PCDHA6: variants seen among roughly 807,000 people sequenced by gnomAD.
PCDHA6 encodes the protein protocadherin alpha-6.
PCDHA6 carries 55 observed loss-of-function variants against 60.3 expected under a neutral mutation model. That is an observed-to-expected ratio of 0.91 (90% CI 0.73 to 1.14). The LOEUF is 1.14. Ranked by LOEUF, PCDHA6 falls within the 50% of genes most tolerant of loss-of-function variation. The probability of loss-of-function intolerance (pLI) is 0.00; values close to 1 mark genes in which losing one functional copy is unlikely to be tolerated. For missense variants in PCDHA6, 1,327 were observed against 1,256.5 expected, an observed-to-expected ratio of 1.06 and a Z score of -0.85; for synonymous variants, 652 against 557.9, an observed-to-expected ratio of 1.17 and a Z score of -2.38.
chr5:141,004,608 T>A (rs2153981502), intron 3 of PCDHA6, among the ~76,000 whole-genome samples: 1 of 152,348 alleles, frequency 6.6e-6, no homozygotes, highest in African/African-American at 2.4e-5. Flanking sequence ...TTAGGCCTCA[T>A]GCAGAGTCCT....
At chr5:140,990,445 A>C (rs1212288513) in intron 3 of PCDHA6, among the ~76,000 whole-genome samples, 2 of 152,140 alleles carry the variant, frequency 1.3e-5, no homozygotes, top group Non-Finnish European at 2.9e-5. Context: ...TTGTGTCCAG[A>C]GCTGTTGCTG....
At chr5:140,928,471 G>T in intron 1 of PCDHA6, 1 of 1,614,148 alleles carries the variant, frequency 6.2e-7, no homozygotes, top group Non-Finnish European at 8.5e-7. Context: ...CCAAGTAGAA[G>T]GCCGGGATGG....
chr5:140,856,319 C>T (rs782092511), intron 1 of PCDHA6: 2 of 1,598,532 alleles, frequency 1.3e-6, no homozygotes, highest in African/African-American at 1.3e-5. Flanking sequence ...TCGGATTGAC[C>T]GCGAGGAGCT....
In PCDHA6 at chr5:140,990,870, T is replaced by G. The variant is rs550033552; in HGVS notation, c.2542+8307T>G. Among the ~76,000 whole-genome samples, 16 of 152,274 alleles carry G rather than the reference T, an allele frequency of 1.1e-4. No individual in the cohort carries two copies. The South Asian group carries it at 3.3e-3, about 32-fold the overall frequency. On this transcript the variant is annotated intron_variant, in intron 3 of 3. Coordinates refer to ENST00000529310, the MANE Select transcript of PCDHA6 (RefSeq NM_018909.4). ...AGCCCTGAGGACATTGTATTTTAAG[T>G]GTATGTTCCAGTGAGTGGGTCGTTG...
chr5:140,905,540 C>T (rs1294771375), intron 1 of PCDHA6, among the ~76,000 whole-genome samples: 5 of 151,890 alleles, frequency 3.3e-5, no homozygotes, highest in African/African-American at 9.7e-5. Flanking sequence ...TCCATATGAA[C>T]TTTAGGATTG....
At chr5:140,903,470 C>T (rs1425928113) in intron 1 of PCDHA6, among the ~76,000 whole-genome samples, 2 of 152,140 alleles carry the variant, frequency 1.3e-5, no homozygotes, top group Non-Finnish European at 2.9e-5. Context: ...AATATTATTC[C>T]TTGCATTATA....
intron 3 of PCDHA6, among the ~76,000 whole-genome samples, chr5:140,995,316 A>G (rs2097676169): frequency 1.3e-5 from 2 of 152,222 alleles, no homozygotes; most frequent in South Asian, 4.1e-4. Context: ...TTCTAAGTGA[A>G]CTAACAGGTG....
intron 1 of PCDHA6, chr5:140,882,990 A>T (rs1554176394): frequency 6.2e-7 from 1 of 1,614,130 alleles, no homozygotes; most frequent in Admixed American, 1.7e-5. Context: ...AACGCCCCGG[A>T]ATTTTACCAA....
rs139807581 is a variant in PCDHA6, at chr5:140,835,502, C to T, written c.2394+5017C>T. ...CAGGTACCGTCATCACATTGATTAG[C>T]GTGTTTGACCGAGATTTTGGAGTCA... is the stretch of plus-strand genomic sequence containing the variant. On this transcript the variant is annotated intron_variant, in intron 1 of 3. Transcript: ENST00000529310. 113 of 1,613,806 alleles carry T rather than the reference C, an allele frequency of 7.0e-5. 1 individual carries two copies. Among genetic ancestry groups the T allele is most frequent in the Non-Finnish European group, 8.7e-5 (103 of 1,179,880 alleles).
intron 1 of PCDHA6, chr5:140,877,431 C>A: frequency 1.2e-6 from 2 of 1,613,836 alleles, no homozygotes; most frequent in Non-Finnish European, 1.7e-6. Flanking sequence ...TGGTGAAGGA[C>A]CACGGTGAGC....
At chr5:140,962,171 G>A (rs1218733161) in intron 1 of PCDHA6, among the ~76,000 whole-genome samples, 3 of 151,902 alleles carry the variant, frequency 2.0e-5, no homozygotes, top group Non-Finnish European at 4.4e-5. Context: ...CACCACACCC[G>A]GCCACTTATA....
In PCDHA6 at chr5:140,830,297, A is replaced by G. The variant is rs1359749137; in HGVS notation, c.2206A>G (p.Lys736Glu). 1 of 1,613,732 alleles carries G rather than the reference A, an allele frequency of 6.2e-7. No homozygotes were observed. The highest frequency in any genetic ancestry group is 2.2e-5 in the East Asian group (1 of 44,874). The change falls in exon 1 of 4, where the codon AAG becomes GAG. Residue 736 changes from lysine (K) to glutamate (E), a missense_variant. Transcript: ENST00000529310. ...PPTEGACTAD[K>E]PTLVCSSAVG... ...CACCGAGGGCGCGTGCACGGCGGAC[A>G]AGCCCACGCTGGTGTGCTCCAGCGC...
chr5:140,957,438 A>T (rs1554222966), intron 1 of PCDHA6, among the ~76,000 whole-genome samples: 1 of 152,216 alleles, frequency 6.6e-6, no homozygotes, highest in Non-Finnish European at 1.5e-5. Context: ...TGCCTAATTT[A>T]TAAATCACAC....
At position 140,969,365 on chromosome 5, in the gene PCDHA6, C is replaced by T. The variant is rs190730712; in HGVS notation, c.2395-9584C>T. The T allele has an allele frequency of 5.3e-5, 86 of 1,610,040 alleles. No homozygotes were observed. The African/African-American group carries it at 9.2e-4, about 17-fold the overall frequency. On this transcript the variant is annotated intron_variant, in intron 1 of 3. Transcript: ENST00000529310. ...GTGGTCAGGGGGTCTTCTACAAACT[C>T]ATGCATTTGTTACACATCCCCCAAT...
chr5:140,992,485 A>T (rs1234957114), intron 3 of PCDHA6, among the ~76,000 whole-genome samples: 1 of 152,208 alleles, frequency 6.6e-6, no homozygotes, highest in Non-Finnish European at 1.5e-5. Flanking sequence ...CCCAGAGGCC[A>T]ATCTGTAAGG....
chr5:140,945,560 C>T (rs1321626108), intron 1 of PCDHA6, among the ~76,000 whole-genome samples: 3 of 151,960 alleles, frequency 2.0e-5, no homozygotes, highest in Non-Finnish European at 2.9e-5. Context: ...AAGCTGAAGA[C>T]ATCATACTAC....
chr5:140,855,410 T>A (rs2043456249), intron 1 of PCDHA6, among the ~76,000 whole-genome samples: 1 of 149,998 alleles, frequency 6.7e-6, no homozygotes, highest in Admixed American at 6.7e-5. Context: ...TTGAAGCTAA[T>A]GATCTCTAAA....
intron 1 of PCDHA6, among the ~76,000 whole-genome samples, chr5:140,906,153 A>G (rs2072404848): frequency 6.6e-6 from 1 of 152,142 alleles, no homozygotes; most frequent in Non-Finnish European, 1.5e-5. Flanking sequence ...ACCCTCACAG[A>G]CACACCCAGG....
rs782779617 is a variant in PCDHA6 at position 140,857,239 on chromosome 5, G to C, written c.2394+26754G>C. On this transcript the variant is annotated intron_variant, in intron 1 of 3. Coordinates refer to ENST00000529310, the MANE Select transcript of PCDHA6 (RefSeq NM_018909.4). ...CGCCTCACGTTCCGTTCAAGCTGGT[G>C]TCCACCTACAAGAATTACTACTCAT... is the stretch of plus-strand genomic sequence containing the variant. The C allele has an allele frequency of 6.9e-6, 11 of 1,598,550 alleles. 2 individuals carry two copies. The highest frequency in any genetic ancestry group is 7.7e-6 in the Non-Finnish European group (9 of 1,167,946).
Sources: gnomAD v4.1 joint callset for allele counts (sites outside exome capture counted in the v4.1 genomes callset) on GRCh38, gnomAD v4.1.1 for gene constraint, MANE v1.5 for transcripts, NCBI Gene and HGNC (gene_info 2026-07-23, HGNC 2026-07-21) for gene names.